The following GRID2 variants were observed in gnomAD, a reference collection of about 807,000 sequenced individuals.
GRID2 encodes the protein glutamate ionotropic receptor delta type subunit 2.
A neutral mutation model predicts 114.8 loss-of-function variants in GRID2; 33 were observed. That is an observed-to-expected ratio of 0.29 (90% confidence interval 0.22 to 0.38). The LOEUF (loss-of-function observed/expected upper bound fraction) is 0.38, where lower values mean the gene tolerates loss of function less well. GRID2 is among the 10% of genes least tolerant of loss of function. The pLI is 1.00. For synonymous variants in GRID2, 505 were observed against 449.9 expected, an observed-to-expected ratio of 1.12 and a Z score of -1.55; for missense variants, 1,184 against 1,257.7, an observed-to-expected ratio of 0.94 and a Z score of 0.89.
intron 14 of GRID2, among the ~76,000 whole-genome samples, chr4:93,630,493 A>C (rs2149696906): frequency 6.6e-6 from 1 of 152,290 alleles, no homozygotes; most frequent in Non-Finnish European, 1.5e-5. Context: ...CTATTCTCAA[A>C]TCTTAAGTGG....
At chr4:93,417,421 C>T (rs1251699124) in intron 9 of GRID2, among the ~76,000 whole-genome samples, 2 of 151,912 alleles carry the variant, frequency 1.3e-5, no homozygotes, top group Admixed American at 6.6e-5. Flanking sequence ...TATTTGATAT[C>T]GCAATATAAC....
intron 1 of GRID2, among the ~76,000 whole-genome samples, chr4:92,368,303 A>C (rs1420421762): frequency 6.6e-6 from 1 of 152,064 alleles, no homozygotes; most frequent in Non-Finnish European, 1.5e-5. Flanking sequence ...CTTGAGAAGC[A>C]TTAAGAGGTA....
At chr4:93,220,621 T>C (rs1744763777) in intron 6 of GRID2, among the ~76,000 whole-genome samples, 1 of 152,146 alleles carries the variant, frequency 6.6e-6, no homozygotes, top group African/African-American at 2.4e-5. Context: ...CAAGCAATAT[T>C]GATATGACTA....
chr4:92,706,303 G>A (rs1032075682), intron 2 of GRID2, among the ~76,000 whole-genome samples: 2 of 152,040 alleles, frequency 1.3e-5, no homozygotes, highest in Admixed American at 1.3e-4. Flanking sequence ...GATTGTCAAC[G>A]GTTTAATGAT....
intron 2 of GRID2, among the ~76,000 whole-genome samples, chr4:92,708,913 G>A (rs930980083): frequency 2.0e-5 from 3 of 152,060 alleles, no homozygotes; most frequent in Non-Finnish European, 4.4e-5. Flanking sequence ...GTGAAACTCC[G>A]TCTCTAAATA....
At chr4:93,470,639 C>T (rs1400556478) in intron 11 of GRID2, among the ~76,000 whole-genome samples, 1 of 152,008 alleles carries the variant, frequency 6.6e-6, no homozygotes, top group East Asian at 1.9e-4. Context: ...TATACGCACA[C>T]ATATATCTTA....
At chr4:92,909,102 A>ATACCTT (rs1748176960) in intron 2 of GRID2, among the ~76,000 whole-genome samples, 3 of 152,150 alleles carry the variant, frequency 2.0e-5, no homozygotes, top group African/African-American at 7.2e-5. Flanking sequence ...GCTTGGTAAG[A>ATACCTT]GTGATATACC....
At chr4:93,032,240 G>A (rs1043233859) in intron 2 of GRID2, among the ~76,000 whole-genome samples, 2 of 152,062 alleles carry the variant, frequency 1.3e-5, no homozygotes, top group Admixed American at 6.6e-5. Flanking sequence ...CATGAAAATA[G>A]AAAGATTCAG....
At chr4:93,102,258 G>C (rs1483474526) in intron 3 of GRID2, among the ~76,000 whole-genome samples, 1 of 152,098 alleles carries the variant, frequency 6.6e-6, no homozygotes, top group Non-Finnish European at 1.5e-5. Flanking sequence ...ACACAAGAAA[G>C]ACCACTTCTT....
chr4:93,208,041 A>G (rs1468409540), intron 5 of GRID2, among the ~76,000 whole-genome samples: 1 of 151,998 alleles, frequency 6.6e-6, no homozygotes, highest in Non-Finnish European at 1.5e-5. Context: ...TTGTTCCATT[A>G]GGACCTGCCA....
intron 8 of GRID2, among the ~76,000 whole-genome samples, chr4:93,355,320 C>T (rs1166199106): frequency 1.4e-5 from 2 of 138,692 alleles, no homozygotes; most frequent in African/African-American, 2.6e-5. Flanking sequence ...CATCTGACAC[C>T]TTGGTTGAGC....
chr4:92,525,649 A>T (rs942880024), intron 1 of GRID2, among the ~76,000 whole-genome samples: 5 of 152,106 alleles, frequency 3.3e-5, no homozygotes, highest in Non-Finnish European at 1.5e-5. Flanking sequence ...GGAGTCTGTA[A>T]GAGGAATGAG....
chr4:93,586,503 C>A (rs1737551374), intron 13 of GRID2, among the ~76,000 whole-genome samples: 1 of 152,076 alleles, frequency 6.6e-6, no homozygotes, highest in South Asian at 2.1e-4. Flanking sequence ...ATGGTGATTG[C>A]CATTTTTGTG....
At chr4:92,939,254 A>G (rs1388986253) in intron 2 of GRID2, among the ~76,000 whole-genome samples, 1 of 147,260 alleles carries the variant, frequency 6.8e-6, no homozygotes, top group African/African-American at 2.4e-5. Flanking sequence ...AATGATTGCC[A>G]TTCTAACTGG....
intron 2 of GRID2, among the ~76,000 whole-genome samples, chr4:92,637,247 A>G (rs1303701734): frequency 6.6e-6 from 1 of 152,032 alleles, no homozygotes. Context: ...ACTTTTTAGT[A>G]GCCTTTAAAA....
In GRID2 at chr4:92,304,057, A is replaced by C. The variant is rs1420238401; in HGVS notation, c.-600A>C. On this transcript the variant is annotated 5_prime_UTR_variant, in exon 1 of 16. Transcript: ENST00000282020. ...CTGCATTACTATCTGCATTACCTTG[A>C]AGTTCACTTTTTCTACCCCTCTTGG... 1 of 154,252 alleles carries C rather than the reference A, an allele frequency of 6.5e-6. No individual in the cohort carries two copies. The highest frequency in any genetic ancestry group is 1.4e-5 in the Non-Finnish European group (1 of 69,758). 9.6% of individuals were successfully genotyped at this position (154,252 alleles called of 1,614,324 possible). A position where few individuals can be genotyped will look rare whatever the true frequency, so the allele number is the denominator to read the frequency against.
intron 2 of GRID2, among the ~76,000 whole-genome samples, chr4:92,747,996 A>G (rs1434723827): frequency 6.6e-6 from 1 of 152,132 alleles, no homozygotes; most frequent in Non-Finnish European, 1.5e-5. Context: ...TTTCTCAGTA[A>G]TGGGTAGTCT....
chr4:93,400,493 T>G (rs1025707116), intron 9 of GRID2, among the ~76,000 whole-genome samples: 5 of 152,076 alleles, frequency 3.3e-5, no homozygotes, highest in African/African-American at 1.2e-4. Flanking sequence ...TTATGCAATG[T>G]AGATAGCAAT....
intron 2 of GRID2, among the ~76,000 whole-genome samples, chr4:92,758,468 G>A (rs1197344387): frequency 1.3e-5 from 2 of 152,030 alleles, no homozygotes; most frequent in African/African-American, 4.8e-5. Context: ...GTGATTAGAA[G>A]TATGAACTTT....
Sources: allele counts gnomAD v4.1 joint callset (sites outside exome capture counted in the v4.1 genomes callset), GRCh38; gene constraint gnomAD v4.1.1; transcripts MANE v1.5; gene names NCBI Gene and HGNC (gene_info 2026-07-23, HGNC 2026-07-21).